The following ARHGAP11B variants were observed in gnomAD, a reference collection of about 807,000 sequenced individuals.
ARHGAP11B encodes the protein Rho GTPase activating protein 11B.
In ARHGAP11B, 14 loss-of-function variants were observed where a neutral mutation model predicts 27.6. The ratio of observed to expected loss-of-function variants is 0.51; its 90% CI spans 0.34 to 0.79. ARHGAP11B has a LOEUF of 0.79. Ranked by LOEUF, ARHGAP11B falls within the 30% of genes least tolerant of loss-of-function variation. ARHGAP11B has a pLI of 0.02. For missense variants in ARHGAP11B, 245 were observed against 320.1 expected (o/e 0.77, Z 1.79); for synonymous variants, 82 against 114.1 (o/e 0.72, Z 1.80).
At chr15:30,641,438 C>T (rs2338518) in intron 7 of ARHGAP11B, 2 of 151,114 alleles carry the variant, frequency 1.3e-5, no homozygotes, top group Non-Finnish European at 2.9e-5. Flanking sequence ...CAGGTTCAAG[C>T]GATTTTCCTG....
intron 6 of ARHGAP11B, among the ~76,000 whole-genome samples, chr15:30,636,259 C>CA (rs1957980961): frequency 6.6e-6 from 1 of 151,956 alleles, no homozygotes; most frequent in Admixed American, 6.6e-5. Context: ...GTCAGTAGTC[C>CA]AGGCATGAGA....
At chr15:30,638,460 A>G (rs1377049338) in intron 6 of ARHGAP11B, among the ~76,000 whole-genome samples, 1 of 151,482 alleles carries the variant, frequency 6.6e-6, no homozygotes, top group East Asian at 1.9e-4. Flanking sequence ...TTAACATGTA[A>G]TGATTTCTTT....
chr15:30,640,695 C>G (rs2060310017), intron 7 of ARHGAP11B, among the ~76,000 whole-genome samples: 1 of 151,794 alleles, frequency 6.6e-6, no homozygotes, highest in South Asian at 2.1e-4. Context: ...AAGCCTGTCT[C>G]TTTTTTCTGT....
chr15:30,633,620 G>C, intron 3 of ARHGAP11B, 34 bp downstream of exon 3: 1 of 1,578,434 alleles, frequency 6.3e-7, no homozygotes, highest in South Asian at 1.2e-5. Flanking sequence ...TTTTTCATTT[G>C]AGCCATTTTC....
intron 9 of ARHGAP11B, chr15:30,646,336 T>C (rs2060347741): frequency 7.8e-6 from 4 of 511,880 alleles, no homozygotes; most frequent in South Asian, 7.0e-5. Flanking sequence ...AAATGTATGT[T>C]TTTATAGAGG....
chr15:30,639,017 T>C (rs1449773464), intron 7 of ARHGAP11B, among the ~76,000 whole-genome samples: 1 of 151,974 alleles, frequency 6.6e-6, no homozygotes, highest in African/African-American at 2.4e-5. Flanking sequence ...AACCCAAAAT[T>C]GTAGGCAAAA....
At chr15:30,632,341 C>T (rs1417900510) in intron 2 of ARHGAP11B, among the ~76,000 whole-genome samples, 2 of 146,210 alleles carry the variant, frequency 1.4e-5, no homozygotes, top group African/African-American at 5.1e-5. Flanking sequence ...GGATCACTTG[C>T]GCCCAGGAGG....
intron 1 of ARHGAP11B, among the ~76,000 whole-genome samples, chr15:30,628,725 C>G (rs2060225017): frequency 1.3e-5 from 2 of 151,988 alleles, no homozygotes; most frequent in Non-Finnish European, 2.9e-5. Context: ...TGTAGAAGAT[C>G]ATTGTGTTAT....
At chr15:30,635,657 G>A in intron 6 of ARHGAP11B, 24 bp downstream of exon 6, 1 of 1,611,374 alleles carries the variant, frequency 6.2e-7, no homozygotes, top group Non-Finnish European at 8.5e-7. Flanking sequence ...CCATTTTATG[G>A]AGGTACAGTG....
intron 9 of ARHGAP11B, among the ~76,000 whole-genome samples, chr15:30,646,660 C>CA (rs35561316): frequency 0.011 from 1,171 of 107,494 alleles, 16 homozygotes; most frequent in African/African-American, 0.036. Flanking sequence ...GACTCCGTCT[C>CA]AAAAAAAAAA....
Position 30,644,775 on chromosome 15 carries a change from A to G in ARHGAP11B, c.*142+73A>G, listed in dbSNP as rs180909755. ...ATACGAATATGAAATTTATTCACAA[A>G]TGGAATATTTGTATGTGAATAACTA... On this transcript the variant is annotated intron_variant, in intron 8 of 10. Coordinates refer to ENST00000428041, the Ensembl canonical transcript of ARHGAP11B. The G allele has an allele frequency of 9.7e-6, 12 of 1,238,078 alleles. No homozygotes were observed. The Admixed American group carries it at 1.9e-4, about 20-fold the overall frequency. 76.7% of individuals were successfully genotyped at this position (1,238,078 alleles called of 1,614,324 possible). A position where few individuals can be genotyped will look rare whatever the true frequency, so the allele number is the denominator to read the frequency against.
Position 30,633,590 on chromosome 15 carries a change from A to G in ARHGAP11B, c.297+4A>G. On this transcript the variant is annotated splice_donor_region_variant and intron_variant, in intron 3 of 10. Coordinates refer to ENST00000428041, the Ensembl canonical transcript of ARHGAP11B. ...GATTCGCCTAAAAGCACTAAAGGTGAGCATATTGTTGAACTATAATTTTTC... is the reference window on the plus strand; with the variant it reads ...GATTCGCCTAAAAGCACTAAAGGTGGGCATATTGTTGAACTATAATTTTTC... The G allele has an allele frequency of 6.2e-6, 10 of 1,603,050 alleles. No individual in the cohort carries two copies. The highest frequency in any genetic ancestry group is 8.5e-6 in the Non-Finnish European group (10 of 1,175,420).
chr15:30,631,390 A>G (rs2060244247), intron 2 of ARHGAP11B, among the ~76,000 whole-genome samples: 1 of 152,092 alleles, frequency 6.6e-6, no homozygotes. Context: ...GGCCAGGCAC[A>G]GTAGCTCATG....
At chr15:30,635,222 A>G (rs755172659) in intron 5 of ARHGAP11B, 34 bp downstream of exon 5, 3 of 1,608,144 alleles carry the variant, frequency 1.9e-6, no homozygotes, top group East Asian at 2.2e-5. Context: ...ACAGACTCTT[A>G]TCGATTATGC....
At chr15:30,626,402 T>A (rs917854593) in exon 1 of ARHGAP11B, 1 of 169,234 alleles carries the variant, frequency 5.9e-6, no homozygotes, top group African/African-American at 2.4e-5. Context: ...CGAGAAGGGT[T>A]CTCTTCACAT....
chr15:30,632,904 C>G (rs889081503), intron 2 of ARHGAP11B, among the ~76,000 whole-genome samples: 2 of 151,658 alleles, frequency 1.3e-5, no homozygotes, highest in Non-Finnish European at 2.9e-5. Context: ...CTGGGTTGTT[C>G]CAGCATGTAG....
At chr15:30,638,930 A>G (rs1234108999) in intron 7 of ARHGAP11B, 120 bp downstream of exon 7, 1 of 542,788 alleles carries the variant, frequency 1.8e-6, no homozygotes, top group African/African-American at 2.0e-5. Context: ...GTTTAATCAA[A>G]TCAAATATTA....
intron 9 of ARHGAP11B, among the ~76,000 whole-genome samples, chr15:30,647,300 C>T (rs11636748): frequency 0.023 from 3,491 of 151,896 alleles, 77 homozygotes; most frequent in Non-Finnish European, 0.035. Flanking sequence ...AAAGGAATTA[C>T]GGTGGTTCAG....
chr15:30,635,589 A>G (rs1424376932), exon 6 of ARHGAP11B: 1 of 1,613,472 alleles, frequency 6.2e-7, no homozygotes, highest in African/African-American at 1.3e-5. Flanking sequence ...GGTGAATATG[A>G]AACTCCTGGT....
Sources: gnomAD v4.1 joint callset for allele counts (sites outside exome capture counted in the v4.1 genomes callset) on GRCh38, gnomAD v4.1.1 for gene constraint, MANE v1.5 for transcripts, NCBI Gene and HGNC (gene_info 2026-07-23, HGNC 2026-07-21) for gene names.